Variants in OSBPL8 observed in about 807,000 individuals in gnomAD.
OSBPL8 encodes oxysterol binding protein like 8.
OSBPL8 carries 59 observed loss-of-function variants against 125.5 expected under a neutral mutation model. The observed-to-expected ratio is 0.47, with a 90% CI of 0.38 to 0.58. The LOEUF (loss-of-function observed/expected upper bound fraction) is 0.58, where lower values mean the gene tolerates loss of function less well. Ranked by LOEUF, OSBPL8 falls within the 20% of genes least tolerant of loss-of-function variation. OSBPL8 has a pLI of 0.00. For missense variants in OSBPL8, 758 were observed against 1,047.8 expected, an observed-to-expected ratio of 0.72 and a Z score of 3.82; for synonymous variants, 330 against 338.9, an observed-to-expected ratio of 0.97 and a Z score of 0.29.
At chr12:76,370,062 A>G (rs1016437870) in intron 19 of OSBPL8, among the ~76,000 whole-genome samples, 2 of 152,156 alleles carry the variant, frequency 1.3e-5, no homozygotes, top group Non-Finnish European at 2.9e-5. Flanking sequence ...AACTTACTAC[A>G]TAGACTCTTA....
At chr12:76,381,397 A>T (rs1208724207) in intron 15 of OSBPL8, among the ~76,000 whole-genome samples, 1 of 152,176 alleles carries the variant, frequency 6.6e-6, no homozygotes, top group African/African-American at 2.4e-5. Context: ...TTACTAAATC[A>T]ATTTATCTGA....
chr12:76,435,893 A>G (rs1871386956), intron 4 of OSBPL8, among the ~76,000 whole-genome samples: 1 of 152,134 alleles, frequency 6.6e-6, no homozygotes, highest in South Asian at 2.1e-4. Context: ...GCCACTAGAA[A>G]TCTATGCAAA....
At position 76,419,739 on chromosome 12, in the gene OSBPL8, T is replaced by C. The variant is rs117199069; in HGVS notation, c.218-9105A>G. On this transcript the variant is annotated intron_variant, in intron 4 of 23. Coordinates refer to ENST00000261183, the MANE Select transcript of OSBPL8 (RefSeq NM_020841.5). ...AGCTCAACCCCAAAACAAAAACTAA[T>C]GACATTCAAACCTGGTTGAAAAAAG... Among the ~76,000 whole-genome samples the C allele has an allele frequency of 2.1e-3, 321 of 152,298 alleles. 1 individual carries two copies. Among genetic ancestry groups the C allele is most frequent in the Non-Finnish European group, 3.8e-3 (259 of 68,004 alleles).
intron 4 of OSBPL8, among the ~76,000 whole-genome samples, chr12:76,415,589 C>G (rs1468039300): frequency 6.6e-6 from 1 of 152,126 alleles, no homozygotes. Flanking sequence ...TAGGACTATT[C>G]AGATATTCCG....
chr12:76,503,353 G>A (rs1880095226), intron 1 of OSBPL8, among the ~76,000 whole-genome samples: 1 of 152,114 alleles, frequency 6.6e-6, no homozygotes, highest in African/African-American at 2.4e-5. Flanking sequence ...GTACGTGTCT[G>A]TATCCAAATT....
At chr12:76,391,669 T>C (rs931975693) in intron 10 of OSBPL8, among the ~76,000 whole-genome samples, 1 of 152,110 alleles carries the variant, frequency 6.6e-6, no homozygotes, top group African/African-American at 2.4e-5. Context: ...AGGTTGAGAC[T>C]GGAAGATGGC....
chr12:76,360,536 AG>A (rs1346222266), intron 21 of OSBPL8, among the ~76,000 whole-genome samples: 4 of 152,140 alleles, frequency 2.6e-5, no homozygotes, highest in African/African-American at 9.7e-5. Flanking sequence ...CGCTTCTCAC[AG>A]CTCCACTAGG....
At chr12:76,469,466 CTG>C (rs1358078103) in intron 2 of OSBPL8, among the ~76,000 whole-genome samples, 3 of 152,190 alleles carry the variant, frequency 2.0e-5, no homozygotes, top group African/African-American at 7.2e-5. Flanking sequence ...AACACTGACT[CTG>C]TACCTCCACC....
rs141119998 is a variant in OSBPL8, at chr12:76,392,691, T to G, written c.819A>C (p.Thr273=). Residue 273 remains threonine, a synonymous_variant, in exon 10 of 24, where the codon ACA becomes ACC. Coordinates refer to ENST00000261183, the MANE Select transcript of OSBPL8 (RefSeq NM_020841.5). ...CATGTTCCTTTCCTTCTCTGATCAT[T>G]GTACGTTTAAGAAGACTAGAACATT... is the stretch of plus-strand genomic sequence containing the variant. ...ALKCSSLLKR[T]MIREGKEHDL... 1 of 1,613,924 alleles carries G rather than the reference T, an allele frequency of 6.2e-7. No homozygotes were observed. The highest frequency in any genetic ancestry group is 8.5e-7 in the Non-Finnish European group (1 of 1,179,918).
chr12:76,470,328 T>A (rs376011649), intron 2 of OSBPL8, among the ~76,000 whole-genome samples: 60 of 152,308 alleles, frequency 3.9e-4, no homozygotes, highest in African/African-American at 1.4e-3. Flanking sequence ...AAATCTGGCC[T>A]AACGAGCCAC....
chr12:76,513,304 T>C (rs1055833510), intron 1 of OSBPL8, among the ~76,000 whole-genome samples: 9 of 152,198 alleles, frequency 5.9e-5, no homozygotes, highest in Admixed American at 3.3e-4. Context: ...TTTGGTATGA[T>C]TTTGGTTCGT....
At chr12:76,530,706 G>A (rs1350980276) in intron 1 of OSBPL8, among the ~76,000 whole-genome samples, 3 of 152,128 alleles carry the variant, frequency 2.0e-5, no homozygotes, top group Admixed American at 1.3e-4. Context: ...ATCACAGGAG[G>A]TGCCTATCAC....
At chr12:76,414,222 C>T (rs1348336559) in intron 4 of OSBPL8, among the ~76,000 whole-genome samples, 1 of 151,086 alleles carries the variant, frequency 6.6e-6, no homozygotes, top group Non-Finnish European at 1.5e-5. Flanking sequence ...TTCTGCACAC[C>T]CTATCTGTTC....
chr12:76,518,354 C>T (rs1210394871), intron 1 of OSBPL8, among the ~76,000 whole-genome samples: 1 of 152,194 alleles, frequency 6.6e-6, no homozygotes, highest in Admixed American at 6.5e-5. Context: ...AGGCCTTGGG[C>T]AGCTCTACCA....
intron 4 of OSBPL8, among the ~76,000 whole-genome samples, chr12:76,443,237 A>C (rs1872391012): frequency 2.0e-5 from 3 of 152,238 alleles, no homozygotes; most frequent in African/African-American, 2.4e-5. Flanking sequence ...ATTCTCTCAC[A>C]AAGCACTATA....
intron 1 of OSBPL8, among the ~76,000 whole-genome samples, chr12:76,499,740 G>C (rs923372972): frequency 6.6e-6 from 1 of 152,014 alleles, no homozygotes; most frequent in African/African-American, 2.4e-5. Flanking sequence ...TGTAATCCCA[G>C]CTACTCGGGA....
Position 76,487,562 on chromosome 12 carries a change from G to A in OSBPL8, c.-11C>T. ...CAAACCTCCCTCCATAATGAAAGAA[G>A]ATAGGTTTATGCTTCTCTTTCCATT... is the stretch of plus-strand genomic sequence containing the variant. On this transcript the variant is annotated 5_prime_UTR_variant, in exon 2 of 24. Coordinates refer to ENST00000261183, the MANE Select transcript of OSBPL8 (RefSeq NM_020841.5). 6.3e-7 allele frequency: 1 copy of A among 1,599,546 alleles called. No homozygotes were observed. The highest frequency in any genetic ancestry group is 8.5e-7 in the Non-Finnish European group (1 of 1,174,800).
At chr12:76,447,076 A>G in intron 4 of OSBPL8, among the ~76,000 whole-genome samples, 1 of 152,254 alleles carries the variant, frequency 6.6e-6, no homozygotes, top group Non-Finnish European at 1.5e-5. Flanking sequence ...AACAAGAATG[A>G]CAGAATTATA....
At chr12:76,503,079 C>T (rs978591885) in intron 1 of OSBPL8, among the ~76,000 whole-genome samples, 4 of 152,162 alleles carry the variant, frequency 2.6e-5, no homozygotes, top group African/African-American at 4.8e-5. Flanking sequence ...GTACATTTTA[C>T]GCAAGACAGT....
Sources: allele counts gnomAD v4.1 joint callset (sites outside exome capture counted in the v4.1 genomes callset), GRCh38; gene constraint gnomAD v4.1.1; transcripts MANE v1.5; gene names NCBI Gene and HGNC (gene_info 2026-07-23, HGNC 2026-07-21).